KLHDC8B: variants seen among roughly 807,000 people sequenced by gnomAD.
KLHDC8B encodes the protein kelch domain containing 8B.
A neutral mutation model predicts 26.3 loss-of-function variants in KLHDC8B; 19 were observed. The ratio of observed to expected loss-of-function variants is 0.72; its 90% CI spans 0.50 to 1.06. The LOEUF is 1.06. Among genes scored for constraint, KLHDC8B ranks in the 50% least tolerant of loss-of-function variants. KLHDC8B has a pLI of 0.00. For synonymous variants in KLHDC8B, 150 were observed against 188.4 expected (o/e 0.80, Z 1.67); for missense variants, 411 against 488.1 (o/e 0.84, Z 1.49).
Position 49,172,992 on chromosome 3 carries a change from G to A in KLHDC8B, c.223G>A (p.Val75Ile), listed in dbSNP as rs1187326739. 6.2e-7 allele frequency: 1 copy of A among 1,613,936 alleles called. No individual in the cohort carries two copies. The highest frequency in any genetic ancestry group is 1.1e-5 in the South Asian group (1 of 91,074). Residue 75 changes from valine (V) to isoleucine (I), a missense_variant, in exon 2 of 6, where the codon GTA becomes ATA. Transcript: ENST00000332780. ...CACTGCCCGGGCTGGTGCAGCTGCG[G>A]TAGTTCTGGGCAAGCAGGTGCTAGT... ...LPTARAGAAA[V>I]VLGKQVLVVG...
intron 2 of KLHDC8B, 38 bp downstream of exon 2, chr3:49,173,183 AACAC>A: frequency 6.6e-7 from 1 of 1,523,230 alleles, no homozygotes; most frequent in South Asian, 1.2e-5. Context: ...CAGGTACCCT[AACAC>A]CTTTTATTAT....
Position 49,176,183 on chromosome 3 carries a change from A to AG in KLHDC8B, c.*384dup, listed in dbSNP as rs1271113873. ...CCATTCCTGAAAAATCTCAGCTGCC[A>AG]GGCTGCCTTTAGGGTCCCTGCAGAC... is the stretch of plus-strand genomic sequence containing the variant. On this transcript the variant is annotated 3_prime_UTR_variant, in exon 6 of 6. Transcript: ENST00000332780. The AG allele has an allele frequency of 4.9e-6, 1 of 202,316 alleles. No individual in the cohort carries two copies. Among genetic ancestry groups the AG allele is most frequent in the Non-Finnish European group, 9.9e-6 (1 of 101,112 alleles). The allele number at this position is 202,316 out of a possible 1,614,324, so 12.5% of individuals were successfully genotyped here.
intron 2 of KLHDC8B, among the ~76,000 whole-genome samples, chr3:49,173,786 G>A (rs1011694509): frequency 6.6e-6 from 1 of 152,154 alleles, no homozygotes; most frequent in Admixed American, 6.5e-5. Flanking sequence ...TCCTCTCCCA[G>A]CCCCATCTCC....
chr3:49,173,220 T>A, intron 2 of KLHDC8B, 75 bp downstream of exon 2: 1 of 1,407,164 alleles, frequency 7.1e-7, no homozygotes, highest in Non-Finnish European at 9.5e-7. Flanking sequence ...TCCCTTACCC[T>A]CAGAGACTGA....
rs1402490539 is a variant in KLHDC8B, at chr3:49,175,661, T to C, written c.925T>C (p.Trp309Arg). Residue 309 changes from tryptophan to arginine, a missense_variant, in exon 6 of 6, where the codon TGG becomes CGG. Transcript: ENST00000332780. Reference sequence around the variant, plus strand: ...GAGCTTTAGCCTTGCACGGCGGCGCTGGGAGGCATTGCCTGCCATGCCCAC... The same window carrying C: ...GAGCTTTAGCCTTGCACGGCGGCGCCGGGAGGCATTGCCTGCCATGCCCAC... ...VESFSLARRR[W>R]EALPAMPTAR... is the part of the protein sequence containing the mutation. The C allele has an allele frequency of 6.2e-7, 1 of 1,609,998 alleles. No homozygotes were observed. Among genetic ancestry groups the C allele is most frequent in the Non-Finnish European group, 8.5e-7 (1 of 1,177,738 alleles).
intron 1 of KLHDC8B, among the ~76,000 whole-genome samples, chr3:49,171,974 C>G (rs1029482583): frequency 1.3e-5 from 2 of 152,212 alleles, no homozygotes; most frequent in Non-Finnish European, 2.9e-5. Context: ...GGCCCCCCGC[C>G]CCAACCCCAC....
intron 3 of KLHDC8B, 79 bp downstream of exon 3, chr3:49,174,482 A>G: frequency 1.4e-6 from 2 of 1,475,394 alleles, no homozygotes; most frequent in Admixed American, 1.9e-5. Flanking sequence ...GATAGGGATC[A>G]GGCTCAGTCC....
In KLHDC8B at chr3:49,175,847, AGCT is replaced by A. The variant is rs772093674; in HGVS notation, c.*47_*49del. ...ACTGGAGCAGCTCATTGCCAGAGGCAGCTATTTCTATGGCTCCTTTTGCTGCTG... is the reference window on the plus strand; with the variant it reads ...ACTGGAGCAGCTCATTGCCAGAGGCAATTTCTATGGCTCCTTTTGCTGCTG... On this transcript the variant is annotated 3_prime_UTR_variant, in exon 6 of 6. Coordinates refer to ENST00000332780, the MANE Select transcript of KLHDC8B (RefSeq NM_173546.3). 1.9e-6 allele frequency: 3 copies of A among 1,588,062 alleles called. No individual in the cohort carries two copies. In the Admixed American group the frequency reaches 5.0e-5, roughly 27 times the overall value.
rs939185751 is a variant in KLHDC8B, at chr3:49,172,767, A to G, written c.-3A>G. 1 of 1,609,356 alleles carries G rather than the reference A, an allele frequency of 6.2e-7. No homozygotes were observed. ...GCATGGCCTGCCACTGGCAGTGAAC[A>G]CCATGTCTGCAGGAGGTGGCCGGGC... On this transcript the variant is annotated 5_prime_UTR_variant, in exon 2 of 6. Coordinates refer to ENST00000332780, the MANE Select transcript of KLHDC8B (RefSeq NM_173546.3).
chr3:49,174,600 G>A, intron 3 of KLHDC8B, 142 bp from the exon 4 acceptor site: 1 of 1,276,534 alleles, frequency 7.8e-7, no homozygotes, highest in East Asian at 2.5e-5. Context: ...AGTACCTGAG[G>A]GACTGTAGGG....
At chr3:49,172,598 G>A (rs2045777281) in intron 1 of KLHDC8B, 38 bp from the exon 2 acceptor site, 2 of 644,510 alleles carry the variant, frequency 3.1e-6, no homozygotes, top group Non-Finnish European at 2.6e-6. Flanking sequence ...TGAGGGGCCG[G>A]TCAGTGCCCT....
intron 4 of KLHDC8B, 29 bp from the exon 5 acceptor site, chr3:49,175,033 G>A (rs2045812851): frequency 1.2e-6 from 2 of 1,613,778 alleles, no homozygotes; most frequent in African/African-American, 1.3e-5. Context: ...GTGTGTACAT[G>A]ACTAGATCTG....
chr3:49,173,758 C>A (rs887390377), intron 2 of KLHDC8B, among the ~76,000 whole-genome samples: 1 of 152,162 alleles, frequency 6.6e-6, no homozygotes, highest in Non-Finnish European at 1.5e-5. Context: ...GTATCTTTAC[C>A]CAGCAGACCC....
chr3:49,172,998 C>T lies in KLHDC8B; in HGVS notation c.229C>T (p.Leu77=), dbSNP rs1195016517. The change falls in exon 2 of 6, where the codon CTG becomes TTG. Residue 77 remains leucine (L), a synonymous_variant. Transcript: ENST00000332780. Reference sequence around the variant, plus strand: ...CCGGGCTGGTGCAGCTGCGGTAGTTCTGGGCAAGCAGGTGCTAGTGGTGGG... The same window carrying T: ...CCGGGCTGGTGCAGCTGCGGTAGTTTTGGGCAAGCAGGTGCTAGTGGTGGG... ...TARAGAAAVV[L]GKQVLVVGGV... 6 of 1,613,792 alleles carry T rather than the reference C, an allele frequency of 3.7e-6. No individual in the cohort carries two copies. The highest frequency in any genetic ancestry group is 1.3e-5 in the African/African-American group (1 of 74,932).
Position 49,175,161 on chromosome 3 carries a change from T to G in KLHDC8B, c.866T>G (p.Leu289Arg). 6.2e-7 allele frequency: 1 copy of G among 1,613,132 alleles called. No homozygotes were observed. The highest frequency in any genetic ancestry group is 8.5e-7 in the Non-Finnish European group (1 of 1,179,254). ...LGGHIVAIGG[L>R]GNQPCPLGSV... Reference sequence around the variant, plus strand: ...GGCCACATTGTGGCCATTGGGGGCCTTGGTAAGTCTCTATGGGGCTGGGGA... The same window carrying G: ...GGCCACATTGTGGCCATTGGGGGCCGTGGTAAGTCTCTATGGGGCTGGGGA... Residue 289 changes from leucine (L) to arginine (R), a missense_variant and splice_region_variant, in exon 5 of 6, where the codon CTT becomes CGT. Transcript: ENST00000332780.
chr3:49,174,622 T>C (rs2107659611), intron 3 of KLHDC8B, 120 bp from the exon 4 acceptor site: 3 of 1,364,678 alleles, frequency 2.2e-6, no homozygotes, highest in Non-Finnish European at 3.0e-6. Flanking sequence ...GGATGATTCA[T>C]GTGCAAGTGT....
At chr3:49,174,721 G>T in intron 3 of KLHDC8B, 21 bp from the exon 4 acceptor site, 1 of 1,584,714 alleles carries the variant, frequency 6.3e-7, no homozygotes, top group African/African-American at 1.3e-5. Context: ...TCCTTCCCAG[G>T]TACCCCAATT....
At chr3:49,174,539 T>C in intron 3 of KLHDC8B, 136 bp downstream of exon 3, 1 of 1,184,288 alleles carries the variant, frequency 8.4e-7, no homozygotes, top group South Asian at 1.6e-5. Flanking sequence ...CCATGCCTGC[T>C]CTGAGGCTCT....
rs201421481 is a variant in KLHDC8B, at chr3:49,172,766, C to T, written c.-4C>T. Reference sequence around the variant, plus strand: ...AGCATGGCCTGCCACTGGCAGTGAACACCATGTCTGCAGGAGGTGGCCGGG... The same window carrying T: ...AGCATGGCCTGCCACTGGCAGTGAATACCATGTCTGCAGGAGGTGGCCGGG... On this transcript the variant is annotated 5_prime_UTR_variant, in exon 2 of 6. Coordinates refer to ENST00000332780, the MANE Select transcript of KLHDC8B (RefSeq NM_173546.3). 6.8e-6 allele frequency: 11 copies of T among 1,608,780 alleles called. No homozygotes were observed. Among genetic ancestry groups the T allele is most frequent in the Non-Finnish European group, 8.5e-6 (10 of 1,177,272 alleles).
Sources: allele counts gnomAD v4.1 joint callset (sites outside exome capture counted in the v4.1 genomes callset), GRCh38; gene constraint gnomAD v4.1.1; transcripts MANE v1.5; gene names NCBI Gene and HGNC (gene_info 2026-07-23, HGNC 2026-07-21).